The following OGDH variants were observed in gnomAD, a reference collection of about 807,000 sequenced individuals.
The protein encoded by OGDH is oxoglutarate dehydrogenase.
OGDH carries 38 observed loss-of-function variants against 116.6 expected under a neutral mutation model. The observed-to-expected ratio is 0.33, with a 90% confidence interval of 0.25 to 0.43. The LOEUF (loss-of-function observed/expected upper bound fraction) is 0.43, where lower values mean the gene tolerates loss of function less well. Among genes scored for constraint, OGDH ranks in the 20% least tolerant of loss-of-function variants. The pLI, the probability that OGDH is intolerant of heterozygous loss-of-function variation, is 1.00. For synonymous variants in OGDH, 488 were observed against 533.3 expected, an observed-to-expected ratio of 0.92 and a Z score of 1.17; for missense variants, 825 against 1,357.2, an observed-to-expected ratio of 0.61 and a Z score of 6.16.
intron 1 of OGDH, among the ~76,000 whole-genome samples, chr7:44,618,110 A>G (rs1422698584): frequency 1.3e-5 from 2 of 152,166 alleles, no homozygotes; most frequent in Non-Finnish European, 2.9e-5. Context: ...TTCTTTGTAC[A>G]ACTTATTTTT....
chr7:44,701,010 C>T (rs1375422879), intron 19 of OGDH, among the ~76,000 whole-genome samples: 6 of 152,080 alleles, frequency 3.9e-5, no homozygotes, highest in African/African-American at 1.4e-4. Flanking sequence ...GGCAACAGAG[C>T]GAGACTCCGT....
intron 4 of OGDH, among the ~76,000 whole-genome samples, chr7:44,649,898 T>G (rs1332310251): frequency 6.6e-6 from 1 of 152,178 alleles, no homozygotes; most frequent in African/African-American, 2.4e-5. Context: ...AGGTTTGTGG[T>G]TCCAGATTCA....
chr7:44,616,875 A>ATATATATATACACATATATATATACG (rs1784824928), intron 1 of OGDH, among the ~76,000 whole-genome samples: 3 of 31,512 alleles, frequency 9.5e-5, no homozygotes, highest in African/African-American at 2.0e-4. Context: ...ATATATACGT[A>ATATATATATACACATATATATATACG]TATATATATG....
Position 44,694,291 on chromosome 7 carries a change from G to T in OGDH, c.1516-133G>T. On this transcript the variant is annotated intron_variant, in intron 11 of 22. Transcript: ENST00000222673. The surrounding 1 kb of genome is among the most constrained non-coding windows in gnomAD (Gnocchi z 4.2). ...TACACAGAATCCTAATTCTAGAGAA[G>T]GTAAACTCCAGGGCAGGCATGAGGA... 1 of 1,130,102 alleles carries T rather than the reference G, an allele frequency of 8.8e-7. No individual in the cohort carries two copies. Among genetic ancestry groups the T allele is most frequent in the Non-Finnish European group, 1.2e-6 (1 of 805,000 alleles). The allele number at this position is 1,130,102 out of a possible 1,614,324, so 70.0% of individuals were successfully genotyped here. A position where few individuals can be genotyped will look rare whatever the true frequency, so the allele number is the denominator to read the frequency against.
chr7:44,674,932 A>G (rs1435393167), intron 7 of OGDH, among the ~76,000 whole-genome samples: 1 of 152,166 alleles, frequency 6.6e-6, no homozygotes, highest in Non-Finnish European at 1.5e-5. Flanking sequence ...GGAGAAGGGT[A>G]AGGAAGCCTC....
At chr7:44,686,207 C>T (rs982414878) in intron 10 of OGDH, among the ~76,000 whole-genome samples, 3 of 152,104 alleles carry the variant, frequency 2.0e-5, no homozygotes, top group Non-Finnish European at 2.9e-5. Context: ...TGGATAAAAA[C>T]GGACATCCTT....
intron 17 of OGDH, 105 bp from the exon 18 acceptor site, chr7:44,698,087 A>T: frequency 7.5e-7 from 1 of 1,342,220 alleles, no homozygotes; most frequent in Non-Finnish European, 1.1e-6. Context: ...GCCATCAAGA[A>T]AAAAGATAAC....
intron 1 of OGDH, among the ~76,000 whole-genome samples, chr7:44,613,199 A>T (rs1430924852): frequency 7.3e-6 from 1 of 137,280 alleles, no homozygotes; most frequent in East Asian, 2.2e-4. Context: ...GTTTTTTGAG[A>T]CAGTCTCACT....
chr7:44,667,870 G>C (rs1787253250), intron 5 of OGDH, among the ~76,000 whole-genome samples: 1 of 152,126 alleles, frequency 6.6e-6, no homozygotes, highest in Non-Finnish European at 1.5e-5. Flanking sequence ...ATCAGCTGGG[G>C]TCCTGCCTAT....
At chr7:44,624,845 A>G (rs937017995) in intron 2 of OGDH, among the ~76,000 whole-genome samples, 1 of 147,550 alleles carries the variant, frequency 6.8e-6, no homozygotes, top group Non-Finnish European at 1.5e-5. Flanking sequence ...TTCAGGATGA[A>G]GCCGCTGAAG....
chr7:44,666,984 G>C, intron 5 of OGDH, 133 bp downstream of exon 5: 2 of 596,306 alleles, frequency 3.4e-6, no homozygotes, highest in Non-Finnish European at 5.7e-6. Flanking sequence ...CAGAGTTACT[G>C]TCACCCAGGC....
At chr7:44,699,292 G>A (rs1052322015) in intron 18 of OGDH, among the ~76,000 whole-genome samples, 4 of 151,826 alleles carry the variant, frequency 2.6e-5, no homozygotes, top group Non-Finnish European at 5.9e-5. Context: ...CAGGCGTGGT[G>A]GCGGGCACCT....
chr7:44,624,717 A>G, intron 2 of OGDH, 152 bp downstream of exon 2: 1 of 686,174 alleles, frequency 1.5e-6, no homozygotes, highest in South Asian at 1.7e-5. Flanking sequence ...CGGACCCAGC[A>G]TAGCCCCAGC....
chr7:44,668,234 C>G (rs1037453578), intron 5 of OGDH, among the ~76,000 whole-genome samples: 2 of 152,056 alleles, frequency 1.3e-5, no homozygotes, highest in African/African-American at 4.8e-5. Flanking sequence ...GTCGGGAGTT[C>G]AAGACCAGCC....
At chr7:44,614,087 T>C (rs1280206614) in intron 1 of OGDH, among the ~76,000 whole-genome samples, 1 of 152,180 alleles carries the variant, frequency 6.6e-6, no homozygotes, top group Non-Finnish European at 1.5e-5. Context: ...ATTACAGGCA[T>C]GAGCCACGGC....
Position 44,681,956 on chromosome 7 carries a change from G to A in OGDH, c.1335+108G>A. 4 of 1,443,136 alleles carry A rather than the reference G, an allele frequency of 2.8e-6. No homozygotes were observed. In the South Asian group the frequency reaches 4.0e-5, roughly 14 times the overall value. 89.4% of individuals were successfully genotyped at this position (1,443,136 alleles called of 1,614,324 possible). A position where few individuals can be genotyped will look rare whatever the true frequency, so the allele number is the denominator to read the frequency against. On this transcript the variant is annotated intron_variant, in intron 10 of 22. Coordinates refer to ENST00000222673, the MANE Select transcript of OGDH (RefSeq NM_002541.4). ...GTTTTCTGATTATAAAAATACATCT[G>A]TTATTAAAAACCAGGTGCAGTGGCT...
rs557597843 is a variant in OGDH, at chr7:44,666,840, C to A, written c.622C>A (p.Arg208Ser). 9 of 1,607,942 alleles carry A rather than the reference C, an allele frequency of 5.6e-6. No homozygotes were observed. Among genetic ancestry groups the A allele is most frequent in the Non-Finnish European group, 7.6e-6 (9 of 1,176,756 alleles). Residue 208 changes from arginine (R) to serine (S), a missense_variant, in exon 5 of 23, where the codon CGT becomes AGT. Arg to Ser is a moderately radical substitution (Grantham distance 110). This residue lies in a region of OGDH where 171 missense variants were observed against 276.8 expected (regional missense o/e 0.62). Coordinates refer to ENST00000222673, the MANE Select transcript of OGDH (RefSeq NM_002541.4). ...ESALPLREIIRRLEMAYCQHI... is the reference protein window; with the variant it reads ...ESALPLREIISRLEMAYCQHI... ...AGCACTTCCTCTGCGGGAGATCATC[C>A]GTCGGCTGGAGGTAAGAGCAGTTTC...
chr7:44,631,764 AT>A (rs1246739714), intron 2 of OGDH, among the ~76,000 whole-genome samples: 2 of 152,172 alleles, frequency 1.3e-5, no homozygotes, highest in African/African-American at 4.8e-5. Flanking sequence ...TAGCAGGATG[AT>A]TAAATAAGTT....
chr7:44,700,077 C>A, intron 18 of OGDH, 64 bp from the exon 19 acceptor site: 1 of 1,568,590 alleles, frequency 6.4e-7, no homozygotes, highest in South Asian at 1.1e-5. Context: ...CCTGAGGGCC[C>A]CCACATGCCC....
Sources: gnomAD v4.1 joint callset for allele counts (sites outside exome capture counted in the v4.1 genomes callset) on GRCh38, gnomAD v4.1.1 for gene constraint, gnomAD v4.1.1 regional missense constraint, Gnocchi (gnomAD v3.1) non-coding constraint, MANE v1.5 for transcripts, NCBI Gene and HGNC (gene_info 2026-07-23, HGNC 2026-07-21) for gene names.